TEC: variants seen among roughly 807,000 people sequenced by gnomAD.
The protein encoded by TEC is tec protein tyrosine kinase.
Under a neutral mutation model 93.0 loss-of-function variants are expected in TEC, and 72 were observed. The observed-to-expected ratio is 0.77, with a 90% CI of 0.64 to 0.94. The LOEUF (loss-of-function observed/expected upper bound fraction) is 0.94, where lower values mean the gene tolerates loss of function less well. TEC is among the 40% of genes least tolerant of loss of function. The pLI, the probability that TEC is intolerant of heterozygous loss-of-function variation, is 0.00. For missense variants in TEC, 630 were observed against 757.9 expected, an observed-to-expected ratio of 0.83 and a Z score of 1.98; for synonymous variants, 249 against 247.7, an observed-to-expected ratio of 1.01 and a Z score of -0.05.
intron 2 of TEC, among the ~76,000 whole-genome samples, chr4:48,190,591 C>T (rs983109517): frequency 6.6e-6 from 1 of 152,142 alleles, no homozygotes; most frequent in Non-Finnish European, 1.5e-5. Flanking sequence ...ATCAAAGTTC[C>T]CAAAGTTATT....
intron 1 of TEC, among the ~76,000 whole-genome samples, chr4:48,248,860 C>T (rs1161468243): frequency 1.7e-5 from 2 of 118,184 alleles, no homozygotes; most frequent in South Asian, 2.7e-4. Flanking sequence ...TCTTTGTCTC[C>T]TCTTTCTTTT....
chr4:48,141,398 T>C lies in TEC; in HGVS notation c.1492A>G (p.Ser498Gly). 3.1e-6 allele frequency: 5 copies of C among 1,613,822 alleles called. No homozygotes were observed. Among genetic ancestry groups the C allele is most frequent in the Non-Finnish European group, 4.2e-6 (5 of 1,179,912 alleles). Residue 498 changes from serine to glycine, a missense_variant, in exon 15 of 18, where the codon AGT (serine) becomes GGT (glycine). Transcript: ENST00000381501. ...RDLAARNCLVSEAGVVKVSDF... is the reference protein window; with the variant it reads ...RDLAARNCLVGEAGVVKVSDF... ...GATACTTTTACAACTCCCGCCTCAC[T>C]TACTAGACAATTTCTGGCAGCCTGG...
At chr4:48,188,129 A>G (rs1441512391) in intron 2 of TEC, among the ~76,000 whole-genome samples, 3 of 152,152 alleles carry the variant, frequency 2.0e-5, no homozygotes, top group African/African-American at 4.8e-5. Context: ...TTGTCGCCCT[A>G]CTGGACTCAA....
chr4:48,182,367 A>G (rs1721626544), intron 2 of TEC, among the ~76,000 whole-genome samples: 1 of 151,896 alleles, frequency 6.6e-6, no homozygotes, highest in Non-Finnish European at 1.5e-5. Flanking sequence ...TCTATTCTAT[A>G]GCCTTTGCCC....
At chr4:48,268,629 T>A (rs1237180887) in intron 1 of TEC, among the ~76,000 whole-genome samples, 1 of 152,260 alleles carries the variant, frequency 6.6e-6, no homozygotes, top group East Asian at 1.9e-4. Flanking sequence ...CCTAAACTGT[T>A]AAATCCCAAA....
At position 48,184,768 on chromosome 4, in the gene TEC, A is replaced by ACACACAC. The variant is rs1190852276; in HGVS notation, c.139-8583_139-8582insGTGTGTG. On this transcript the variant is annotated intron_variant, in intron 2 of 17. Coordinates refer to ENST00000381501, the MANE Select transcript of TEC (RefSeq NM_003215.3). ...AACAAAGGACCAGGCAGACAAAAAAAATACACACACACACACACACACACA... is the reference window on the plus strand; with the variant it reads ...AACAAAGGACCAGGCAGACAAAAAAACACACACATACACACACACACACACACACACA... 5.7e-4 allele frequency among the ~76,000 whole-genome samples: 55 copies of ACACACAC among 97,006 alleles called. 1 individual carries two copies. Among genetic ancestry groups the ACACACAC allele is most frequent in the African/African-American group, 1.8e-3 (50 of 28,024 alleles). 63.6% of individuals were successfully genotyped at this position (97,006 alleles called of 152,430 possible).
At chr4:48,162,978 T>C (rs1296111838) in intron 8 of TEC, among the ~76,000 whole-genome samples, 3 of 152,154 alleles carry the variant, frequency 2.0e-5, no homozygotes, top group African/African-American at 7.2e-5. Context: ...AGCACATAGA[T>C]TTTAGAGATC....
intron 3 of TEC, among the ~76,000 whole-genome samples, chr4:48,172,912 A>G (rs1721174905): frequency 6.6e-6 from 1 of 152,196 alleles, no homozygotes; most frequent in Non-Finnish European, 1.5e-5. Context: ...CTGAATTGAC[A>G]TTGAGATGTC....
chr4:48,259,593 A>G (rs1183299364), intron 1 of TEC, among the ~76,000 whole-genome samples: 12 of 151,868 alleles, frequency 7.9e-5, no homozygotes, highest in African/African-American at 2.9e-4. Context: ...GCACATGCCT[A>G]TAGTCCCAGT....
chr4:48,247,663 T>C (rs1008508663), intron 1 of TEC, among the ~76,000 whole-genome samples: 1 of 152,242 alleles, frequency 6.6e-6, no homozygotes, highest in Non-Finnish European at 1.5e-5. Flanking sequence ...TTGTACTGAT[T>C]ACTTTTACAT....
At chr4:48,268,453 G>A (rs1207368297) in intron 1 of TEC, among the ~76,000 whole-genome samples, 23 of 152,238 alleles carry the variant, frequency 1.5e-4, no homozygotes, top group Admixed American at 1.4e-3. Context: ...GGAGTATGGG[G>A]AAAGTGTAAG....
At chr4:48,191,952 G>A (rs562674017) in intron 2 of TEC, among the ~76,000 whole-genome samples, 1 of 152,242 alleles carries the variant, frequency 6.6e-6, no homozygotes, top group East Asian at 1.9e-4. Flanking sequence ...TGCAGGTGAA[G>A]TCTAACAACC....
rs79170072 is a variant in TEC, at chr4:48,220,030, G to A, written c.138+8447C>T. Among the ~76,000 whole-genome samples, 122 of 152,066 alleles carry A rather than the reference G, an allele frequency of 8.0e-4. No individual in the cohort carries two copies. In the East Asian group the frequency reaches 0.022, roughly 28 times the overall value. ...ATTCTAATTCTTCTACCTATTAGCA[G>A]TGTGACAACCTTTCTGATTGTCTTG... is the stretch of plus-strand genomic sequence containing the variant. On this transcript the variant is annotated intron_variant, in intron 2 of 17. Coordinates refer to ENST00000381501, the MANE Select transcript of TEC (RefSeq NM_003215.3).
intron 14 of TEC, among the ~76,000 whole-genome samples, chr4:48,144,628 T>A (rs1451824949): frequency 6.6e-6 from 1 of 152,244 alleles, no homozygotes; most frequent in Non-Finnish European, 1.5e-5. Context: ...AGAGATTTTT[T>A]AAAAATCCAA....
intron 1 of TEC, among the ~76,000 whole-genome samples, chr4:48,266,504 CACAAAATAA>C (rs1724641333): frequency 6.6e-6 from 1 of 152,076 alleles, no homozygotes; most frequent in South Asian, 2.1e-4. Flanking sequence ...CAATGAAGAG[CACAAAATAA>C]ATAAAATGAA....
In TEC at chr4:48,145,098, C is replaced by T. The variant is rs1223527921; in HGVS notation, c.1451G>A (p.Ser484Asn). Reference protein sequence around the residue: ...CEGMEYLERNSFIHRDLAARN... With the variant: ...CEGMEYLERNNFIHRDLAARN... ...GGTTACCAGATCTCTGTGGATGAAG[C>T]TGTTTCTCTCCAGATACTCCATCCC... The change falls in exon 14 of 18, where the codon AGC (serine) becomes AAC (asparagine). Residue 484 changes from serine (S) to asparagine (N), a missense_variant. By Grantham distance (46) the Ser-to-Asn change is conservative (BLOSUM62 1). Coordinates refer to ENST00000381501, the MANE Select transcript of TEC (RefSeq NM_003215.3). 6.2e-7 allele frequency: 1 copy of T among 1,613,962 alleles called. No individual in the cohort carries two copies. The highest frequency in any genetic ancestry group is 1.1e-5 in the South Asian group (1 of 91,072).
intron 5 of TEC, among the ~76,000 whole-genome samples, chr4:48,169,269 T>C (rs1721005502): frequency 6.6e-6 from 1 of 152,164 alleles, no homozygotes; most frequent in Non-Finnish European, 1.5e-5. Context: ...TCTGGGTTAT[T>C]ACATGAGACT....
intron 9 of TEC, among the ~76,000 whole-genome samples, chr4:48,155,015 T>TC (rs1347976884): frequency 1.3e-5 from 2 of 152,102 alleles, no homozygotes; most frequent in Non-Finnish European, 2.9e-5. Flanking sequence ...AGGGCCAGGG[T>TC]CCCTTGGCTC....
At chr4:48,239,816 A>ATTT (rs1412810199) in intron 1 of TEC, among the ~76,000 whole-genome samples, 2 of 152,186 alleles carry the variant, frequency 1.3e-5, no homozygotes, top group African/African-American at 4.8e-5. Context: ...TCTGACATAT[A>ATTT]TTTAGTCTTA....
Sources: allele counts gnomAD v4.1 joint callset (sites outside exome capture counted in the v4.1 genomes callset), GRCh38; gene constraint gnomAD v4.1.1; transcripts MANE v1.5; gene names NCBI Gene and HGNC (gene_info 2026-07-23, HGNC 2026-07-21).